The following MAML3 variants were observed in gnomAD, a reference collection of about 807,000 sequenced individuals.
The protein encoded by MAML3 is mastermind like transcriptional coactivator 3.
MAML3 carries 27 observed loss-of-function variants against 101.9 expected under a neutral mutation model. That is an observed-to-expected ratio of 0.27 (90% confidence interval 0.20 to 0.37). The LOEUF is 0.37. Ranked by LOEUF, MAML3 falls within the 10% of genes least tolerant of loss-of-function variation. The probability of loss-of-function intolerance (pLI) is 1.00; values close to 1 mark genes in which losing one functional copy is unlikely to be tolerated. For missense variants in MAML3, 1,316 were observed against 1,444.9 expected (o/e 0.91, Z 1.45); for synonymous variants, 501 against 555.9 (o/e 0.90, Z 1.39).
At chr4:139,811,672 G>A (rs1368328629) in intron 2 of MAML3, among the ~76,000 whole-genome samples, 1 of 152,056 alleles carries the variant, frequency 6.6e-6, no homozygotes. Context: ...AGACATAAAG[G>A]GTCAGATCAT....
At chr4:140,083,963 CACACAG>C (rs1173538743) in intron 1 of MAML3, among the ~76,000 whole-genome samples, 17 of 67,462 alleles carry the variant, frequency 2.5e-4, no homozygotes, top group African/African-American at 8.6e-4. Flanking sequence ...CACACACACA[CACACAG>C]AGAGAGAGAG....
intron 2 of MAML3, among the ~76,000 whole-genome samples, chr4:139,881,515 C>T (rs1732217808): frequency 6.6e-6 from 1 of 152,146 alleles, no homozygotes; most frequent in Non-Finnish European, 1.5e-5. Context: ...AGGCGAATCA[C>T]CCTATAACAA....
intron 2 of MAML3, among the ~76,000 whole-genome samples, chr4:139,874,450 A>G (rs536205275): frequency 6.6e-6 from 1 of 152,334 alleles, no homozygotes; most frequent in South Asian, 2.1e-4. Flanking sequence ...AAAAGAGAAC[A>G]GTAATACACT....
At chr4:139,933,349 A>T (rs1490890561) in intron 1 of MAML3, among the ~76,000 whole-genome samples, 3 of 152,126 alleles carry the variant, frequency 2.0e-5, no homozygotes, top group African/African-American at 7.2e-5. Flanking sequence ...CCTTTGAGGT[A>T]AACTGGGGCG....
intron 2 of MAML3, among the ~76,000 whole-genome samples, chr4:139,792,664 T>C (rs2111093106): frequency 6.6e-6 from 1 of 152,312 alleles, no homozygotes; most frequent in Middle Eastern, 3.4e-3. Context: ...TGTTACATGA[T>C]TTTTCAAAGC....
chr4:139,888,461 G>C (rs553789300), intron 2 of MAML3: 1 of 500,850 alleles, frequency 2.0e-6, no homozygotes. Flanking sequence ...AGGGGGAGTC[G>C]CTTTAATGGG....
At chr4:139,952,693 C>T (rs1425045593) in intron 1 of MAML3, among the ~76,000 whole-genome samples, 4 of 152,222 alleles carry the variant, frequency 2.6e-5, no homozygotes, top group Non-Finnish European at 5.9e-5. Context: ...CCAAGGACTG[C>T]ATTTCCCACC....
At chr4:139,961,756 A>T (rs993066769) in intron 1 of MAML3, among the ~76,000 whole-genome samples, 2 of 152,174 alleles carry the variant, frequency 1.3e-5, no homozygotes, top group African/African-American at 4.8e-5. Flanking sequence ...TTTTCAATAA[A>T]CAGGAAGTAA....
At chr4:139,732,382 C>G (rs1418935730) in intron 2 of MAML3, among the ~76,000 whole-genome samples, 1 of 152,082 alleles carries the variant, frequency 6.6e-6, no homozygotes, top group Non-Finnish European at 1.5e-5. Flanking sequence ...TGACTGACTT[C>G]AACTGCATCT....
chr4:140,087,737 A>G (rs1046721449), intron 1 of MAML3, among the ~76,000 whole-genome samples: 3 of 152,164 alleles, frequency 2.0e-5, no homozygotes, highest in Non-Finnish European at 4.4e-5. Context: ...ATAATTTATC[A>G]TCTATATTTC....
chr4:139,881,786 C>T (rs750926145), intron 2 of MAML3, among the ~76,000 whole-genome samples: 12 of 152,244 alleles, frequency 7.9e-5, no homozygotes, highest in Non-Finnish European at 1.6e-4. Context: ...ACTGCAACCT[C>T]TGCCTCCTGG....
chr4:140,012,883 A>C (rs924027793), intron 1 of MAML3, among the ~76,000 whole-genome samples: 1 of 152,162 alleles, frequency 6.6e-6, no homozygotes, highest in Non-Finnish European at 1.5e-5. Context: ...CAAACTCCTT[A>C]CTCATTGGTA....
Position 139,796,631 on chromosome 4 carries a change from A to C in MAML3, c.2080-65964T>G, listed in dbSNP as rs189297538. ...GTGTTGAAAAATCAACCAACCGATCAAGATGGATTTGGACAGACCATGGTT... is the reference window on the plus strand; with the variant it reads ...GTGTTGAAAAATCAACCAACCGATCCAGATGGATTTGGACAGACCATGGTT... On this transcript the variant is annotated intron_variant, in intron 2 of 4. Coordinates refer to ENST00000509479, the MANE Select transcript of MAML3 (RefSeq NM_018717.5). Among the ~76,000 whole-genome samples, 10 of 152,332 alleles carry C rather than the reference A, an allele frequency of 6.6e-5. No individual in the cohort carries two copies. The East Asian group carries it at 1.5e-3, about 24-fold the overall frequency.
At chr4:139,801,834 A>G (rs928376629) in intron 2 of MAML3, among the ~76,000 whole-genome samples, 2 of 152,160 alleles carry the variant, frequency 1.3e-5, no homozygotes, top group Non-Finnish European at 2.9e-5. Context: ...GGTGACAAAC[A>G]GGAGTACAGT....
chr4:139,741,590 TA>T (rs1446250188), intron 2 of MAML3, among the ~76,000 whole-genome samples: 1 of 151,924 alleles, frequency 6.6e-6, no homozygotes, highest in Non-Finnish European at 1.5e-5. Flanking sequence ...CTACTAAAAA[TA>T]AAAAAATTAG....
chr4:139,894,340 C>A (rs1348303726), intron 1 of MAML3, among the ~76,000 whole-genome samples: 1 of 152,034 alleles, frequency 6.6e-6, no homozygotes, highest in East Asian at 1.9e-4. Flanking sequence ...GAAACCCCGT[C>A]TCTACTAAAA....
chr4:139,889,245 T>C lies in MAML3; in HGVS notation c.2079+112A>G, dbSNP rs753672829. ...ACTACCTGAGGATGTGTAAAGAGGT[T>C]TTCTGCAGGCAATTAGACCCCACTA... On this transcript the variant is annotated intron_variant, in intron 2 of 4. Transcript: ENST00000509479. The C allele has an allele frequency of 8.8e-6, 14 of 1,599,518 alleles. No homozygotes were observed. The Admixed American group carries it at 1.8e-4, about 21-fold the overall frequency.
intron 3 of MAML3, among the ~76,000 whole-genome samples, chr4:139,726,391 T>C (rs1327738280): frequency 1.3e-5 from 2 of 152,234 alleles, no homozygotes; most frequent in Admixed American, 6.5e-5. Flanking sequence ...GTGACTGCTA[T>C]GAACATTCCT....
At chr4:139,852,969 T>G (rs1238711529) in intron 2 of MAML3, among the ~76,000 whole-genome samples, 1 of 152,192 alleles carries the variant, frequency 6.6e-6, no homozygotes, top group African/African-American at 2.4e-5. Flanking sequence ...ATTTTCTAAT[T>G]GAAAAGAAGT....
Sources: allele counts gnomAD v4.1 joint callset (sites outside exome capture counted in the v4.1 genomes callset), GRCh38; gene constraint gnomAD v4.1.1; transcripts MANE v1.5; gene names NCBI Gene and HGNC (gene_info 2026-07-23, HGNC 2026-07-21).